SLC22A3: variants seen among roughly 807,000 people sequenced by gnomAD.
SLC22A3 encodes EMT organic cation transporter 3.
In SLC22A3, 51 loss-of-function variants were observed where a neutral mutation model predicts 59.1. That is an observed-to-expected ratio of 0.86 (90% CI 0.69 to 1.09). The LOEUF (loss-of-function observed/expected upper bound fraction) is 1.09. Among genes scored for constraint, SLC22A3 ranks in the 50% least tolerant of loss-of-function variants. The pLI, the probability that SLC22A3 is intolerant of heterozygous loss-of-function variation, is 0.00. For synonymous variants in SLC22A3, 325 were observed against 292.0 expected, an observed-to-expected ratio of 1.11 and a Z score of -1.15; for missense variants, 711 against 726.3, an observed-to-expected ratio of 0.98 and a Z score of 0.24.
Position 160,442,930 on chromosome 6 carries a change from G to A in SLC22A3, c.1397+61G>A, listed in dbSNP as rs1788604566. ...ACTCTGTAGACCAGCGTTTTAAGTT[G>A]ATTTAGTTAAAAACTATGAAGTCGT... On this transcript the variant is annotated intron_variant, in intron 8 of 10. Transcript: ENST00000275300. 3.1e-6 allele frequency: 4 copies of A among 1,307,056 alleles called. No homozygotes were observed. The Admixed American group carries it at 6.9e-5, about 22-fold the overall frequency. 81.0% of individuals were successfully genotyped at this position (1,307,056 alleles called of 1,614,324 possible). A position where few individuals can be genotyped will look rare whatever the true frequency, so the allele number is the denominator to read the frequency against.
At chr6:160,412,786 C>G (rs1223693257) in intron 5 of SLC22A3, among the ~76,000 whole-genome samples, 2 of 152,146 alleles carry the variant, frequency 1.3e-5, no homozygotes, top group African/African-American at 4.8e-5. Flanking sequence ...TGAATAATCT[C>G]TGCTCTTTTG....
At chr6:160,423,587 T>C (rs1269763506) in intron 5 of SLC22A3, among the ~76,000 whole-genome samples, 2 of 152,242 alleles carry the variant, frequency 1.3e-5, no homozygotes, top group African/African-American at 4.8e-5. Context: ...CCAGTGATGA[T>C]GAGCATTTTT....
At position 160,353,787 on chromosome 6, in the gene SLC22A3, A is replaced by G. The variant is rs773867289; in HGVS notation, c.429+4939A>G. ...ATCTAGGGCCCTTTTCAGATGGTCCATGGACCACACAGAGAGACAAGCTGG... is the reference window on the plus strand; with the variant it reads ...ATCTAGGGCCCTTTTCAGATGGTCCGTGGACCACACAGAGAGACAAGCTGG... On this transcript the variant is annotated intron_variant, in intron 1 of 10. Transcript: ENST00000275300. Among the ~76,000 whole-genome samples the G allele has an allele frequency of 1.7e-4, 26 of 152,110 alleles. 1 individual carries two copies. Among genetic ancestry groups the G allele is most frequent in the Non-Finnish European group, 4.4e-5 (3 of 68,028 alleles).
chr6:160,400,135 C>T (rs1786707124), intron 2 of SLC22A3, among the ~76,000 whole-genome samples: 1 of 138,792 alleles, frequency 7.2e-6, no homozygotes, highest in South Asian at 2.3e-4. Flanking sequence ...TACAAGGTTC[C>T]AAAGGTGAAT....
At chr6:160,431,567 A>ATT (rs368098183) in intron 5 of SLC22A3, among the ~76,000 whole-genome samples, 3 of 149,094 alleles carry the variant, frequency 2.0e-5, no homozygotes, top group Non-Finnish European at 3.0e-5. Flanking sequence ...AACACCTCGT[A>ATT]TTTTTTTTTT....
At chr6:160,368,885 C>T (rs1283744109) in intron 1 of SLC22A3, among the ~76,000 whole-genome samples, 1 of 152,170 alleles carries the variant, frequency 6.6e-6, no homozygotes, top group Non-Finnish European at 1.5e-5. Flanking sequence ...TATTTCACTG[C>T]TTGCATATTC....
At chr6:160,420,169 G>A (rs144387055) in intron 5 of SLC22A3, among the ~76,000 whole-genome samples, 39 of 152,256 alleles carry the variant, frequency 2.6e-4, no homozygotes, top group African/African-American at 7.9e-4. Flanking sequence ...ATTCAACACC[G>A]AAAGATATTG....
intron 2 of SLC22A3, among the ~76,000 whole-genome samples, chr6:160,404,132 A>C (rs1286756849): frequency 1.3e-5 from 2 of 151,952 alleles, no homozygotes; most frequent in African/African-American, 4.8e-5. Flanking sequence ...AGAAATAAAA[A>C]CTGTCTTTGT....
chr6:160,429,042 G>A (rs1487785481), intron 5 of SLC22A3, among the ~76,000 whole-genome samples: 2 of 152,174 alleles, frequency 1.3e-5, no homozygotes, highest in African/African-American at 2.4e-5. Context: ...GGAAGGACAT[G>A]AGCACCTCAG....
chr6:160,423,025 C>T (rs2114886824), intron 5 of SLC22A3, among the ~76,000 whole-genome samples: 1 of 152,200 alleles, frequency 6.6e-6, no homozygotes, highest in East Asian at 1.9e-4. Context: ...TGTTCCCCTT[C>T]CTGTGTCCAA....
At chr6:160,417,145 G>A (rs1236035927) in intron 5 of SLC22A3, among the ~76,000 whole-genome samples, 1 of 152,224 alleles carries the variant, frequency 6.6e-6, no homozygotes, top group Non-Finnish European at 1.5e-5. Context: ...CCCACCCAGT[G>A]TCAGGCTTGG....
chr6:160,369,558 T>C (rs1785326143), intron 1 of SLC22A3, among the ~76,000 whole-genome samples: 1 of 152,244 alleles, frequency 6.6e-6, no homozygotes, highest in Admixed American at 6.5e-5. Flanking sequence ...TTTTTAGCAT[T>C]AGCACTTGTA....
chr6:160,356,988 G>T (rs998298620), intron 1 of SLC22A3, among the ~76,000 whole-genome samples: 1 of 152,142 alleles, frequency 6.6e-6, no homozygotes, highest in African/African-American at 2.4e-5. Flanking sequence ...TTAGAAGAAG[G>T]TGAATAAATA....
chr6:160,356,868 AG>A (rs1784857085), intron 1 of SLC22A3, among the ~76,000 whole-genome samples: 2 of 152,230 alleles, frequency 1.3e-5, no homozygotes, highest in South Asian at 4.1e-4. Flanking sequence ...CAGCTTTTTA[AG>A]GGTTACCATG....
chr6:160,389,595 C>T (rs1479363938), intron 1 of SLC22A3, among the ~76,000 whole-genome samples: 1 of 152,210 alleles, frequency 6.6e-6, no homozygotes, highest in African/African-American at 2.4e-5. Flanking sequence ...CACGTCTCTC[C>T]TCCTAGCCCA....
chr6:160,448,059 A>C (rs2457573), intron 10 of SLC22A3, among the ~76,000 whole-genome samples: 3 of 152,044 alleles, frequency 2.0e-5, no homozygotes, highest in Non-Finnish European at 4.4e-5. Flanking sequence ...GCATTTTCAC[A>C]TAAGGTGCTA....
chr6:160,377,479 CAAA>C (rs113037123), intron 1 of SLC22A3, among the ~76,000 whole-genome samples: 1 of 135,260 alleles, frequency 7.4e-6, no homozygotes. Flanking sequence ...GACTCTATTT[CAAA>C]AAAAAAAAAA....
chr6:160,444,896 A>G (rs1179392872), intron 9 of SLC22A3, among the ~76,000 whole-genome samples: 1 of 152,184 alleles, frequency 6.6e-6, no homozygotes, highest in African/African-American at 2.4e-5. Context: ...GACACCAGTG[A>G]CCTCAATACA....
chr6:160,407,268 C>A, intron 3 of SLC22A3, 73 bp downstream of exon 3: 1 of 1,440,514 alleles, frequency 6.9e-7, no homozygotes, highest in South Asian at 1.4e-5. Context: ...AGTTAATCAA[C>A]CTTCCTCTTC....
Sources: gnomAD v4.1 joint callset for allele counts (sites outside exome capture counted in the v4.1 genomes callset) on GRCh38, gnomAD v4.1.1 for gene constraint, MANE v1.5 for transcripts, NCBI Gene and HGNC (gene_info 2026-07-23, HGNC 2026-07-21) for gene names.